Variants in DNAJC2 observed in about 807,000 individuals in gnomAD.
The protein encoded by DNAJC2 is dnaJ homolog subfamily C member 2.
DNAJC2 carries 32 observed loss-of-function variants against 94.0 expected under a neutral mutation model. That is an observed-to-expected ratio of 0.34 (90% CI 0.26 to 0.46). DNAJC2 has a LOEUF of 0.46. Among genes scored for constraint, DNAJC2 ranks in the 20% least tolerant of loss-of-function variants. DNAJC2 has a pLI of 1.00. For missense variants in DNAJC2, 550 were observed against 719.5 expected (o/e 0.76, Z 2.69); for synonymous variants, 210 against 229.7 (o/e 0.91, Z 0.77).
chr7:103,312,778 CTAGAAAGT>C, intron 16 of DNAJC2, 135 bp from the exon 17 acceptor site: 1 of 1,510,800 alleles, frequency 6.6e-7, no homozygotes, highest in Non-Finnish European at 8.8e-7. Flanking sequence ...CTGCCAGGGC[CTAGAAAGT>C]TTCTAAGGTT....
At chr7:103,340,857 A>C (rs993528891) in intron 2 of DNAJC2, among the ~76,000 whole-genome samples, 5 of 152,258 alleles carry the variant, frequency 3.3e-5, no homozygotes, top group Non-Finnish European at 7.4e-5. Flanking sequence ...CATCTACTAG[A>C]CAGCTTCACC....
intron 1 of DNAJC2, among the ~76,000 whole-genome samples, chr7:103,343,825 C>G (rs1819486876): frequency 6.6e-6 from 1 of 152,002 alleles, no homozygotes; most frequent in African/African-American, 2.4e-5. Context: ...GCCTTTTGCT[C>G]TAGTTGTAAG....
chr7:103,317,067 A>T, intron 12 of DNAJC2, 53 bp from the exon 13 acceptor site: 1 of 1,477,414 alleles, frequency 6.8e-7, no homozygotes, highest in South Asian at 1.2e-5. Flanking sequence ...TTGCTATTCT[A>T]CACTCTCTTC....
chr7:103,324,615 G>C, intron 5 of DNAJC2, 53 bp from the exon 6 acceptor site: 1 of 1,305,550 alleles, frequency 7.7e-7, no homozygotes, highest in Non-Finnish European at 1.0e-6. Flanking sequence ...ATGTACAACA[G>C]TTCAACAAAC....
chr7:103,334,610 T>G (rs1819096770), intron 3 of DNAJC2, among the ~76,000 whole-genome samples: 1 of 151,504 alleles, frequency 6.6e-6, no homozygotes. Context: ...AAAAAAATTT[T>G]TTTAATTAAA....
chr7:103,321,822 T>C (rs1818435785), intron 10 of DNAJC2, 110 bp downstream of exon 10: 2 of 1,283,422 alleles, frequency 1.6e-6, no homozygotes, highest in Admixed American at 4.3e-5. Flanking sequence ...CACTCCAGCC[T>C]GGGCGACAGA....
At chr7:103,341,981 T>G (rs887511923) in intron 1 of DNAJC2, 27 bp from the exon 2 acceptor site, 2 of 1,503,434 alleles carry the variant, frequency 1.3e-6, no homozygotes, top group African/African-American at 1.4e-5. Flanking sequence ...TAAGAGAGGC[T>G]TCAGTGTATC....
intron 3 of DNAJC2, among the ~76,000 whole-genome samples, chr7:103,332,630 T>C (rs939657929): frequency 6.6e-6 from 1 of 151,946 alleles, no homozygotes; most frequent in African/African-American, 2.4e-5. Context: ...CATCCTTTTT[T>C]TTTTGCGGGG....
chr7:103,341,123 G>A (rs1045961345), intron 2 of DNAJC2, among the ~76,000 whole-genome samples: 4 of 152,146 alleles, frequency 2.6e-5, no homozygotes, highest in Non-Finnish European at 5.9e-5. Context: ...CAGCCACATA[G>A]TAAGTTCAAG....
Position 103,316,882 on chromosome 7 carries a change from G to C in DNAJC2, c.1375C>G (p.Leu459Val). 6.2e-7 allele frequency: 1 copy of C among 1,613,924 alleles called. No individual in the cohort carries two copies. Among genetic ancestry groups the C allele is most frequent in the Non-Finnish European group, 8.5e-7 (1 of 1,179,962 alleles). Reference sequence around the variant, plus strand: ...TTCACAGCTTTAATTAGTAATTGTAGATCATCTTCTGACCAATTTTTACTT... The same window carrying C: ...TTCACAGCTTTAATTAGTAATTGTACATCATCTTCTGACCAATTTTTACTT... ...NGSKNWSEDD[L>V]QLLIKAVNLF... The change falls in exon 13 of 17, where the codon CTA (leucine) becomes GTA (valine). Residue 459 changes from leucine (L) to valine (V), a missense_variant. Coordinates refer to ENST00000379263, the MANE Select transcript of DNAJC2 (RefSeq NM_014377.3).
At chr7:103,327,190 G>T in intron 4 of DNAJC2, 2 of 355,934 alleles carry the variant, frequency 5.6e-6, no homozygotes, top group South Asian at 4.9e-5. Context: ...ATAAGTAACT[G>T]TAGGGTCTGT....
At chr7:103,344,068 C>T (rs1819498142) in intron 1 of DNAJC2, among the ~76,000 whole-genome samples, 1 of 152,198 alleles carries the variant, frequency 6.6e-6, no homozygotes, top group South Asian at 2.1e-4. Flanking sequence ...TTTTCAGCAG[C>T]ACAGTCTTTG....
intron 3 of DNAJC2, chr7:103,336,956 T>C (rs143372717): frequency 1.3e-5 from 2 of 152,394 alleles, no homozygotes; most frequent in African/African-American, 4.8e-5. Flanking sequence ...CCTCCACATA[T>C]AATACTTCCT....
chr7:103,313,162 T>A, intron 15 of DNAJC2, 61 bp from the exon 16 acceptor site: 1 of 1,512,646 alleles, frequency 6.6e-7, no homozygotes, highest in Non-Finnish European at 8.7e-7. Context: ...ACAAGTCTTG[T>A]GGTCCACAAG....
chr7:103,314,343 T>C, intron 15 of DNAJC2: 1 of 985,454 alleles, frequency 1.0e-6, no homozygotes, highest in Non-Finnish European at 1.2e-6. Context: ...TGGTGCCAGC[T>C]TGCTGTTTAA....
chr7:103,344,052 C>T (rs1003648368), intron 1 of DNAJC2, among the ~76,000 whole-genome samples: 11 of 152,200 alleles, frequency 7.2e-5, no homozygotes, highest in African/African-American at 2.4e-4. Context: ...AAAGTCTACG[C>T]GGATCTTTTC....
chr7:103,321,780 G>T, intron 10 of DNAJC2, 152 bp downstream of exon 10: 1 of 788,008 alleles, frequency 1.3e-6, no homozygotes. Flanking sequence ...ACCCGGAGGC[G>T]GAAATTGCGG....
chr7:103,328,981 TC>T, intron 3 of DNAJC2: 1 of 1,278,126 alleles, frequency 7.8e-7, no homozygotes, highest in Non-Finnish European at 1.0e-6. Context: ...CAAGTTATTT[TC>T]CAAAAGGCAA....
At chr7:103,316,538 C>T (rs1203142038) in intron 13 of DNAJC2, 2 of 308,036 alleles carry the variant, frequency 6.5e-6, no homozygotes, top group East Asian at 6.0e-5. Context: ...TACAGAAAAC[C>T]TAATCCCTAG....
Sources: gnomAD v4.1 joint callset for allele counts (sites outside exome capture counted in the v4.1 genomes callset) on GRCh38, gnomAD v4.1.1 for gene constraint, MANE v1.5 for transcripts, NCBI Gene and HGNC (gene_info 2026-07-23, HGNC 2026-07-21) for gene names.